The following CHAT variants were observed in gnomAD, a reference collection of about 807,000 sequenced individuals.
CHAT encodes choline O-acetyltransferase.
In CHAT, 61 loss-of-function variants were observed where a neutral mutation model predicts 76.9. The observed-to-expected ratio is 0.79, with a 90% CI of 0.65 to 0.98. The LOEUF (loss-of-function observed/expected upper bound fraction) is 0.98, where lower values mean the gene tolerates loss of function less well. Ranked by LOEUF, CHAT falls within the 50% of genes least tolerant of loss-of-function variation. The probability of loss-of-function intolerance (pLI) is 0.00; values close to 1 mark genes in which losing one functional copy is unlikely to be tolerated. For missense variants in CHAT, 946 were observed against 986.9 expected, an observed-to-expected ratio of 0.96 and a Z score of 0.56; for synonymous variants, 407 against 397.4, an observed-to-expected ratio of 1.02 and a Z score of -0.29.
At chr10:49,610,998 T>C (rs1482513081), upstream of CHAT, 2 of 1,613,116 alleles carry the variant, frequency 1.2e-6, no homozygotes, top group Non-Finnish European at 1.7e-6. Flanking sequence ...CGCTGCCCAC[T>C]CCGGCCAATG....
intron 7 of CHAT, among the ~76,000 whole-genome samples, chr10:49,630,813 A>AGCAGAGGTAGGAGCAT (rs1258717514): frequency 6.6e-6 from 1 of 152,206 alleles, no homozygotes; most frequent in Non-Finnish European, 1.5e-5. Flanking sequence ...GGCCTGAGGC[A>AGCAGAGGTAGGAGCAT]GCAGAGGTAG....
chr10:49,612,506 C>T, upstream of CHAT: 1 of 674,526 alleles, frequency 1.5e-6, no homozygotes, highest in Non-Finnish European at 2.5e-6. Context: ...CGTTCCATAT[C>T]CCTTTCTCTC....
chr10:49,621,029 G>C (rs192649828), intron 4 of CHAT, among the ~76,000 whole-genome samples: 144 of 152,332 alleles, frequency 9.5e-4, no homozygotes, highest in African/African-American at 3.3e-3. Flanking sequence ...GCCCCAGAAG[G>C]CTGGAAACAA....
chr10:49,665,599 T>TCCTCCCACACACACCACAGAGC lies in CHAT; in HGVS notation c.*556_*577dup, dbSNP rs1373197631. On this transcript the variant is annotated 3_prime_UTR_variant, in exon 15 of 15. Coordinates refer to ENST00000337653, the MANE Select transcript of CHAT (RefSeq NM_020549.5). ...GCCGTACAGTCCTACAAGCACCCAC[T>TCCTCCCACACACACCACAGAGC]CCTCCCACACACACCACAGAGCCCA... is the stretch of plus-strand genomic sequence containing the variant. 2.6e-5 allele frequency among the ~76,000 whole-genome samples: 4 copies of TCCTCCCACACACACCACAGAGC among 151,930 alleles called. No homozygotes were observed. The highest frequency in any genetic ancestry group is 4.4e-5 in the Non-Finnish European group (3 of 67,980).
intron 7 of CHAT, among the ~76,000 whole-genome samples, chr10:49,631,140 A>G (rs1413238944): frequency 6.6e-6 from 1 of 152,234 alleles, no homozygotes; most frequent in Non-Finnish European, 1.5e-5. Context: ...AAGAACGGTC[A>G]TGCTGGAATC....
intron 2 of CHAT, among the ~76,000 whole-genome samples, chr10:49,618,595 T>C (rs756931178): frequency 2.0e-4 from 30 of 152,290 alleles, no homozygotes; most frequent in Non-Finnish European, 2.5e-4. Flanking sequence ...ATCAGATTTG[T>C]ATGTGACCTT....
At chr10:49,611,032 T>C (rs1838280309), upstream of CHAT, 1 of 1,613,822 alleles carries the variant, frequency 6.2e-7, no homozygotes, top group East Asian at 2.2e-5. Flanking sequence ...GGCCAACACC[T>C]CGGCGTCCCC....
At chr10:49,618,157 C>A (rs535603309) in intron 2 of CHAT, among the ~76,000 whole-genome samples, 1 of 152,324 alleles carries the variant, frequency 6.6e-6, no homozygotes, top group East Asian at 1.9e-4. Flanking sequence ...TGAATTATGT[C>A]TCTTATCCAA....
At chr10:49,627,474 G>A in intron 6 of CHAT, 134 bp from the exon 7 acceptor site, 2 of 918,468 alleles carry the variant, frequency 2.2e-6, no homozygotes, top group Non-Finnish European at 3.6e-6. Context: ...CCTAAACTGA[G>A]ACTAGAACCA....
At chr10:49,629,957 T>C (rs1157566641) in intron 7 of CHAT, among the ~76,000 whole-genome samples, 1 of 152,164 alleles carries the variant, frequency 6.6e-6, no homozygotes, top group Non-Finnish European at 1.5e-5. Flanking sequence ...GTCAAGGCCA[T>C]TGAAAGCGAG....
intron 7 of CHAT, among the ~76,000 whole-genome samples, chr10:49,631,175 A>G (rs1186405345): frequency 1.3e-5 from 2 of 152,182 alleles, no homozygotes; most frequent in Admixed American, 6.5e-5. Flanking sequence ...AAGTGTGTTC[A>G]AGTCTGCTCA....
At chr10:49,641,611 G>A (rs1316318134) in intron 7 of CHAT, among the ~76,000 whole-genome samples, 1 of 152,122 alleles carries the variant, frequency 6.6e-6, no homozygotes, top group African/African-American at 2.4e-5. Flanking sequence ...TATGAGATGT[G>A]CGATGGCAGA....
chr10:49,620,858 G>A lies in CHAT; in HGVS notation c.698+245G>A, dbSNP rs529819867. ...TCTTGCAGTGGAATGGACACTCATGGAGGTCATGGGTCCAAATATCCCCAC... is the reference window on the plus strand; with the variant it reads ...TCTTGCAGTGGAATGGACACTCATGAAGGTCATGGGTCCAAATATCCCCAC... On this transcript the variant is annotated intron_variant, in intron 4 of 14. Transcript: ENST00000337653. Among the ~76,000 whole-genome samples the A allele has an allele frequency of 6.6e-5, 10 of 152,352 alleles. No homozygotes were observed. The South Asian group carries it at 2.1e-3, about 32-fold the overall frequency.
chr10:49,653,344 G>A (rs992514033), intron 11 of CHAT, among the ~76,000 whole-genome samples: 2 of 152,198 alleles, frequency 1.3e-5, no homozygotes, highest in African/African-American at 4.8e-5. Context: ...TCCTGGAGAT[G>A]GGGCCAGCTC....
Position 49,639,780 on chromosome 10 carries a change from T to C in CHAT, c.1112-6725T>C, listed in dbSNP as rs114100373. Among the ~76,000 whole-genome samples the C allele has an allele frequency of 2.6e-3, 400 of 152,306 alleles. 3 individuals are homozygous for C. The highest frequency in any genetic ancestry group is 9.4e-3 in the African/African-American group (392 of 41,566). On this transcript the variant is annotated intron_variant, in intron 7 of 14. Coordinates refer to ENST00000337653, the MANE Select transcript of CHAT (RefSeq NM_020549.5). ...TCCTTTGCCAAATTTGGGGATGCGT[T>C]AGCCATTATTTATCTGAGTCGTTTC...
chr10:49,617,093 G>A (rs1026653050), intron 2 of CHAT, among the ~76,000 whole-genome samples: 15 of 152,004 alleles, frequency 9.9e-5, no homozygotes, highest in African/African-American at 2.9e-4. Context: ...GCCAGCCTTC[G>A]GGTGGCAGAG....
At chr10:49,626,468 C>T (rs1291916677) in intron 6 of CHAT, among the ~76,000 whole-genome samples, 3 of 152,188 alleles carry the variant, frequency 2.0e-5, no homozygotes, top group Middle Eastern at 3.2e-3. Context: ...ATCCTGGGCT[C>T]TCCTCACATT....
In CHAT at chr10:49,614,307, G is replaced by A; in HGVS notation, c.118G>A (p.Gly40Ser). 1 of 1,547,946 alleles carries A rather than the reference G, an allele frequency of 6.5e-7. No individual in the cohort carries two copies. Among genetic ancestry groups the A allele is most frequent in the Non-Finnish European group, 8.7e-7 (1 of 1,146,260 alleles). Residue 40 changes from glycine to serine, a missense_variant, in exon 1 of 15, where the codon GGT becomes AGT. Physicochemically the swap from Gly to Ser is moderately conservative, Grantham distance 56 (BLOSUM62 0). Transcript: ENST00000337653. Reference sequence around the variant, plus strand: ...GCGGCCAGCTTGCTTTCTCCAGTCGGGTGGCCGCGGGGACCCGGGCGACGT... The same window carrying A: ...GCGGCCAGCTTGCTTTCTCCAGTCGAGTGGCCGCGGGGACCCGGGCGACGT... ...EVRPACFLQS[G>S]GRGDPGDVGG... is the part of the protein sequence containing the mutation.
rs889718450 is a variant in CHAT at position 49,621,263 on chromosome 10, A to G, written c.698+650A>G. Among the ~76,000 whole-genome samples the G allele has an allele frequency of 7.9e-5, 12 of 152,248 alleles. 1 individual carries two copies. The highest frequency in any genetic ancestry group is 6.5e-4 in the Admixed American group (10 of 15,306). On this transcript the variant is annotated intron_variant, in intron 4 of 14. Coordinates refer to ENST00000337653, the MANE Select transcript of CHAT (RefSeq NM_020549.5). The stretch of plus-strand genomic sequence containing the variant: ...CCAAAGTGGCCCGAGGACAAGAGGC[A>G]GGGCCCACCTCTCCTCTGGGCAGGG...
Sources: allele counts gnomAD v4.1 joint callset (sites outside exome capture counted in the v4.1 genomes callset), GRCh38; gene constraint gnomAD v4.1.1; transcripts MANE v1.5; gene names NCBI Gene and HGNC (gene_info 2026-07-23, HGNC 2026-07-21).